Variants in ZNF609 observed in about 807,000 individuals in gnomAD.
ZNF609 encodes zinc finger protein 609.
ZNF609 carries 11 observed loss-of-function variants against 109.5 expected under a neutral mutation model. The ratio of observed to expected loss-of-function variants is 0.10; its 90% CI spans 0.06 to 0.17. ZNF609 has a LOEUF of 0.17. Among genes scored for constraint, ZNF609 ranks in the 10% least tolerant of loss-of-function variants. The pLI is 1.00. For missense variants in ZNF609, 1,559 were observed against 1,772.4 expected (o/e 0.88, Z 2.16); for synonymous variants, 646 against 662.0 (o/e 0.98, Z 0.37).
chr15:64,613,911 A>C (rs1327914774), intron 2 of ZNF609, among the ~76,000 whole-genome samples: 1 of 151,430 alleles, frequency 6.6e-6, no homozygotes, highest in Non-Finnish European at 1.5e-5. Flanking sequence ...GGTTCAAATA[A>C]TTGAAGATTT....
At chr15:64,537,815 GGCTGGGCGC>G (rs1214584167) in intron 2 of ZNF609, among the ~76,000 whole-genome samples, 3 of 152,006 alleles carry the variant, frequency 2.0e-5, no homozygotes, top group African/African-American at 7.2e-5. Flanking sequence ...TATATCCTAG[GGCTGGGCGC>G]GGTGGCTCTC....
upstream of ZNF609, among the ~76,000 whole-genome samples, chr15:64,460,216 A>G (rs1413756830): frequency 6.6e-6 from 1 of 152,022 alleles, no homozygotes; most frequent in Non-Finnish European, 1.5e-5. Context: ...AAGGACAACT[A>G]CAGAAGAGGT....
chr15:64,545,776 G>T (rs975923612), intron 2 of ZNF609, among the ~76,000 whole-genome samples: 1 of 151,990 alleles, frequency 6.6e-6, no homozygotes, highest in African/African-American at 2.4e-5. Flanking sequence ...GTACTTTTTT[G>T]TGTCCAGCTT....
chr15:64,557,122 T>C (rs1290882551), intron 2 of ZNF609, among the ~76,000 whole-genome samples: 1 of 152,074 alleles, frequency 6.6e-6, no homozygotes, highest in Non-Finnish European at 1.5e-5. Flanking sequence ...GTATGTCACA[T>C]ATTATTCAGA....
At chr15:64,569,775 C>A (rs566549826) in intron 2 of ZNF609, among the ~76,000 whole-genome samples, 1 of 152,356 alleles carries the variant, frequency 6.6e-6, no homozygotes, top group East Asian at 1.9e-4. Context: ...CATTGATAAA[C>A]CATCCTTTTG....
At chr15:64,551,761 A>G (rs1014014787) in intron 2 of ZNF609, among the ~76,000 whole-genome samples, 1 of 150,080 alleles carries the variant, frequency 6.7e-6, no homozygotes, top group African/African-American at 2.4e-5. Context: ...GAACTTACAC[A>G]TTTATTGATT....
intron 2 of ZNF609, among the ~76,000 whole-genome samples, chr15:64,590,438 C>T (rs1458979832): frequency 1.3e-5 from 2 of 151,936 alleles, no homozygotes; most frequent in Admixed American, 1.3e-4. Flanking sequence ...TCTACTGCCT[C>T]AGCTTCCTGA....
chr15:64,645,008 T>TTTC (rs1567037977), intron 3 of ZNF609, among the ~76,000 whole-genome samples: 1 of 140,064 alleles, frequency 7.1e-6, no homozygotes, highest in Non-Finnish European at 1.5e-5. Context: ...TTTCTTTCTT[T>TTTC]CTTCCTTCCT....
intron 1 of ZNF609, among the ~76,000 whole-genome samples, chr15:64,492,707 T>G (rs1893431019): frequency 6.6e-6 from 1 of 152,174 alleles, no homozygotes; most frequent in Non-Finnish European, 1.5e-5. Context: ...TTTTTCAGAT[T>G]TATATCCTCA....
Position 64,675,116 on chromosome 15 carries a change from G to A in ZNF609, c.2262G>A (p.Glu754=), listed in dbSNP as rs145156769. ...CCCCTGGGAAGGTGTGTCGAGCAGAGGAAGGCAAAAGCCCATTCAGGGAAT... is the reference window on the plus strand; with the variant it reads ...CCCCTGGGAAGGTGTGTCGAGCAGAAGAAGGCAAAAGCCCATTCAGGGAAT... The part of the protein sequence containing the change: ...PLTPGKVCRA[E]EGKSPFRESS... Residue 754 remains glutamate (E), a synonymous_variant, in exon 5 of 10, where the codon GAG becomes GAA. Coordinates refer to ENST00000326648, the MANE Select transcript of ZNF609 (RefSeq NM_015042.2). 4 of 1,614,024 alleles carry A rather than the reference G, an allele frequency of 2.5e-6. No homozygotes were observed. The African/African-American group carries it at 5.3e-5, about 22-fold the overall frequency.
intron 2 of ZNF609, among the ~76,000 whole-genome samples, chr15:64,553,755 T>G (rs1244915165): frequency 2.0e-5 from 3 of 151,718 alleles, no homozygotes; most frequent in African/African-American, 7.3e-5. Flanking sequence ...CCTGACACCA[T>G]GCCTGGCTAA....
chr15:64,587,784 A>C (rs1895222094), intron 2 of ZNF609, among the ~76,000 whole-genome samples: 1 of 152,082 alleles, frequency 6.6e-6, no homozygotes, highest in Non-Finnish European at 1.5e-5. Flanking sequence ...TACAAAGGAA[A>C]ATTACTCCTG....
chr15:64,645,386 C>T (rs1165612008), intron 3 of ZNF609, among the ~76,000 whole-genome samples: 1 of 151,850 alleles, frequency 6.6e-6, no homozygotes. Flanking sequence ...CCATTGCACT[C>T]GGCGTCCTAC....
intron 3 of ZNF609, among the ~76,000 whole-genome samples, chr15:64,670,029 G>A (rs1166843656): frequency 6.6e-6 from 1 of 152,130 alleles, no homozygotes; most frequent in Non-Finnish European, 1.5e-5. Flanking sequence ...CAGCTACTTG[G>A]GAGACTGAGG....
chr15:64,534,609 C>T (rs1595710143), intron 2 of ZNF609, among the ~76,000 whole-genome samples: 2 of 152,302 alleles, frequency 1.3e-5, no homozygotes, highest in African/African-American at 2.4e-5. Flanking sequence ...GCCACCGCGC[C>T]TGGCCGTGTT....
intron 4 of ZNF609, among the ~76,000 whole-genome samples, chr15:64,671,083 G>C (rs539831041): frequency 1.3e-5 from 2 of 150,700 alleles, no homozygotes; most frequent in Non-Finnish European, 3.0e-5. Context: ...GGTGGCGAGC[G>C]TTTGTAGTCC....
At chr15:64,505,236 T>C (rs973122603) in intron 2 of ZNF609, among the ~76,000 whole-genome samples, 1 of 152,212 alleles carries the variant, frequency 6.6e-6, no homozygotes, top group Non-Finnish European at 1.5e-5. Context: ...CTACTTATGA[T>C]ATATGTGTGT....
At chr15:64,465,078 A>G (rs1892995417) in intron 1 of ZNF609, among the ~76,000 whole-genome samples, 1 of 152,026 alleles carries the variant, frequency 6.6e-6, no homozygotes, top group South Asian at 2.1e-4. Context: ...TATTTATGGG[A>G]GTTCTGGCTT....
At chr15:64,656,909 C>T (rs1896496746) in intron 3 of ZNF609, among the ~76,000 whole-genome samples, 2 of 152,102 alleles carry the variant, frequency 1.3e-5, no homozygotes, top group Non-Finnish European at 2.9e-5. Context: ...ATTCAGTAGC[C>T]ATATCTCTAT....
Sources: allele counts gnomAD v4.1 joint callset (sites outside exome capture counted in the v4.1 genomes callset), GRCh38; gene constraint gnomAD v4.1.1; transcripts MANE v1.5; gene names NCBI Gene and HGNC (gene_info 2026-07-23, HGNC 2026-07-21).